Variants in EYS observed in about 807,000 individuals in gnomAD.
The protein encoded by EYS is protein eyes shut homolog.
Under a neutral mutation model 282.1 loss-of-function variants are expected in EYS, and 250 were observed. The observed-to-expected ratio is 0.89, with a 90% CI of 0.80 to 0.98. The LOEUF is 0.98. EYS is among the 50% of genes least tolerant of loss of function. EYS has a pLI of 0.00. For synonymous variants in EYS, 1,355 were observed against 1,282.9 expected, an observed-to-expected ratio of 1.06 and a Z score of -1.20; for missense variants, 4,016 against 3,709.0, an observed-to-expected ratio of 1.08 and a Z score of -2.15.
intron 14 of EYS, among the ~76,000 whole-genome samples, chr6:64,993,057 A>G (rs1366608857): frequency 6.6e-6 from 1 of 152,060 alleles, no homozygotes; most frequent in Non-Finnish European, 1.5e-5. Context: ...GAGCATGGAG[A>G]TACCATATAG....
chr6:65,698,434 A>G (rs1769537843), intron 1 of EYS, among the ~76,000 whole-genome samples: 1 of 152,184 alleles, frequency 6.6e-6, no homozygotes, highest in South Asian at 2.1e-4. Context: ...ACTACAGGTT[A>G]TATCAATAAT....
intron 14 of EYS, among the ~76,000 whole-genome samples, chr6:64,964,665 G>T (rs1770035805): frequency 6.6e-6 from 1 of 152,086 alleles, no homozygotes; most frequent in African/African-American, 2.4e-5. Context: ...CATAAAATAT[G>T]TCTTTTTGCC....
chr6:65,398,429 G>C (rs1260115111), intron 7 of EYS, among the ~76,000 whole-genome samples: 2 of 151,598 alleles, frequency 1.3e-5, no homozygotes, highest in Non-Finnish European at 2.9e-5. Flanking sequence ...ATATGCAGAA[G>C]AATAAAACTA....
chr6:65,603,402 T>C (rs1324843048), intron 2 of EYS, among the ~76,000 whole-genome samples: 2 of 152,010 alleles, frequency 1.3e-5, no homozygotes, highest in Non-Finnish European at 2.9e-5. Context: ...AATATCTCTG[T>C]AAGGTGTATG....
At chr6:65,674,450 CAAAAA>C (rs56958605) in intron 1 of EYS, among the ~76,000 whole-genome samples, 3 of 34,760 alleles carry the variant, frequency 8.6e-5, no homozygotes, top group African/African-American at 3.1e-4. Context: ...GACTCCGTCT[CAAAAA>C]AAAAAAAAAA....
intron 2 of EYS, among the ~76,000 whole-genome samples, chr6:65,545,924 C>T (rs1342527225): frequency 6.6e-6 from 1 of 152,024 alleles, no homozygotes; most frequent in East Asian, 1.9e-4. Flanking sequence ...TGCTGTTGAA[C>T]CATTTTAGTA....
In EYS at chr6:64,220,806, T is replaced by C. The variant is rs4435926; in HGVS notation, c.6424+9786A>G. Among the ~76,000 whole-genome samples, 211 of 152,306 alleles carry C rather than the reference T, an allele frequency of 1.4e-3. 1 individual carries two copies. Among genetic ancestry groups the C allele is most frequent in the Admixed American group, 9.3e-3 (142 of 15,282 alleles). Reference sequence around the variant, plus strand: ...GTTGTTTATTTTAACTTGGATTAGATAGGTAGAATAGTTCAAAAAGCTTGG... The same window carrying C: ...GTTGTTTATTTTAACTTGGATTAGACAGGTAGAATAGTTCAAAAAGCTTGG... On this transcript the variant is annotated intron_variant, in intron 31 of 42. Transcript: ENST00000503581.
chr6:64,936,503 T>G (rs1036960105), intron 15 of EYS, among the ~76,000 whole-genome samples: 1 of 151,448 alleles, frequency 6.6e-6, no homozygotes, highest in Non-Finnish European at 1.5e-5. Context: ...GGAGCAAAAT[T>G]GTCTCCATTA....
intron 15 of EYS, among the ~76,000 whole-genome samples, chr6:64,933,953 A>G (rs759877382): frequency 3.9e-5 from 6 of 152,010 alleles, no homozygotes; most frequent in African/African-American, 4.8e-5. Flanking sequence ...GGAGGGGAAC[A>G]TCACACACCA....
intron 30 of EYS, among the ~76,000 whole-genome samples, chr6:64,241,888 A>G (rs66951996): frequency 0.31 from 47,477 of 151,622 alleles, 7,425 homozygotes; most frequent in East Asian, 0.51. Context: ...ATTCTAGTAC[A>G]TTTTGTCTTA....
intron 22 of EYS, among the ~76,000 whole-genome samples, chr6:64,809,698 G>C (rs1764537660): frequency 6.6e-6 from 1 of 151,998 alleles, no homozygotes; most frequent in South Asian, 2.1e-4. Context: ...TGGAAGCCAT[G>C]ATCCTAAATG....
chr6:64,170,099 T>C (rs147314988), intron 31 of EYS, among the ~76,000 whole-genome samples: 1 of 152,096 alleles, frequency 6.6e-6, no homozygotes, highest in Non-Finnish European at 1.5e-5. Flanking sequence ...GAGAGACAGA[T>C]GAAAGAAAAC....
chr6:65,299,679 T>G (rs1384580631), intron 11 of EYS, among the ~76,000 whole-genome samples: 1 of 152,178 alleles, frequency 6.6e-6, no homozygotes, highest in African/African-American at 2.4e-5. Context: ...GGTCAAATAT[T>G]ACAGTGCGTT....
chr6:63,900,128 A>G (rs1471734823), intron 35 of EYS, among the ~76,000 whole-genome samples: 1 of 152,064 alleles, frequency 6.6e-6, no homozygotes. Flanking sequence ...TTTACCTGCT[A>G]CTTCTTTCTA....
rs45541238 is a variant in EYS at position 65,495,295 on chromosome 6, T to C, written c.116A>G (p.Tyr39Cys). The C allele has an allele frequency of 4.8e-5, 77 of 1,614,090 alleles. No individual in the cohort carries two copies. The highest frequency in any genetic ancestry group is 6.3e-5 in the Non-Finnish European group (74 of 1,180,024). ...VEEWHPQPSSYVVNWTLTENI... is the reference protein window; with the variant it reads ...VEEWHPQPSSCVVNWTLTENI... ...TTCTGTTAGTGTCCAATTTACCACA[T>C]ATGATGAGGGTTGTGGATGCCATTC... Residue 39 changes from tyrosine to cysteine, a missense_variant, in exon 4 of 43, where the codon TAT (tyrosine) becomes TGT (cysteine). Transcript: ENST00000503581.
At chr6:64,020,353 A>G (rs1281492375) in intron 33 of EYS, among the ~76,000 whole-genome samples, 1 of 152,224 alleles carries the variant, frequency 6.6e-6, no homozygotes, top group East Asian at 1.9e-4. Context: ...GTAATATATC[A>G]TAAAACCTTT....
intron 30 of EYS, among the ~76,000 whole-genome samples, chr6:64,246,018 CAAAAAAAAAAA>C (rs60121734): frequency 1.8e-5 from 1 of 56,200 alleles, no homozygotes; most frequent in Non-Finnish European, 2.8e-5. Flanking sequence ...AACTCCGTCT[CAAAAAAAAAAA>C]AAAAAAAAAA....
intron 15 of EYS, among the ~76,000 whole-genome samples, chr6:64,915,656 T>C (rs1768137615): frequency 6.6e-6 from 1 of 152,204 alleles, no homozygotes; most frequent in Non-Finnish European, 1.5e-5. Flanking sequence ...AATGTGTATC[T>C]CAGCAATGAA....
chr6:63,793,752 TA>T (rs1770574787), intron 37 of EYS, among the ~76,000 whole-genome samples: 1 of 152,220 alleles, frequency 6.6e-6, no homozygotes, highest in Non-Finnish European at 1.5e-5. Context: ...TTTGCCTTTT[TA>T]TTCTGCAATG....
Sources: allele counts gnomAD v4.1 joint callset (sites outside exome capture counted in the v4.1 genomes callset), GRCh38; gene constraint gnomAD v4.1.1; transcripts MANE v1.5; gene names NCBI Gene and HGNC (gene_info 2026-07-23, HGNC 2026-07-21).